The following LRRC7 variants were observed in gnomAD, a reference collection of about 807,000 sequenced individuals.
LRRC7 encodes leucine-rich repeat-containing protein 7.
A neutral mutation model predicts 175.7 loss-of-function variants in LRRC7; 23 were observed. That is an observed-to-expected ratio of 0.13 (90% CI 0.09 to 0.19). LRRC7 has a LOEUF of 0.19. LRRC7 is among the 10% of genes least tolerant of loss of function. The pLI is 1.00. For synonymous variants in LRRC7, 685 were observed against 680.9 expected (o/e 1.01, Z -0.09); for missense variants, 1,354 against 1,904.7 (o/e 0.71, Z 5.38).
rs146085737 is a variant in LRRC7 at position 69,623,416 on chromosome 1, T to C, written c.2+54775T>C. 4.0e-5 allele frequency among the ~76,000 whole-genome samples: 6 copies of C among 151,204 alleles called. No individual in the cohort carries two copies. The East Asian group carries it at 1.2e-3, about 30-fold the overall frequency. On this transcript the variant is annotated intron_variant, in intron 1 of 26. Coordinates refer to ENST00000651989, the MANE Select transcript of LRRC7 (RefSeq NM_001370785.2). The stretch of plus-strand genomic sequence containing the variant: ...AACATTTTAATCTGAATTCCAAAGA[T>C]ACATAGCTCTGCTATGAGGAAAAAA...
chr1:70,004,630 A>G (rs924902271), intron 11 of LRRC7, among the ~76,000 whole-genome samples: 5 of 152,098 alleles, frequency 3.3e-5, no homozygotes, highest in African/African-American at 1.2e-4. Flanking sequence ...GCCTAGCTGC[A>G]GTTGGGTGTC....
intron 7 of LRRC7, among the ~76,000 whole-genome samples, chr1:69,911,454 C>T (rs930028331): frequency 3.3e-5 from 5 of 152,176 alleles, no homozygotes; most frequent in Non-Finnish European, 5.9e-5. Context: ...CACAACCTCA[C>T]CATCATCTGT....
At chr1:69,894,348 G>A (rs1645920266) in intron 7 of LRRC7, among the ~76,000 whole-genome samples, 1 of 152,136 alleles carries the variant, frequency 6.6e-6, no homozygotes, top group Non-Finnish European at 1.5e-5. Flanking sequence ...CTCTCGCCTT[G>A]TTCTTAATTA....
At chr1:70,006,061 G>T (rs1655969988) in intron 11 of LRRC7, among the ~76,000 whole-genome samples, 1 of 150,898 alleles carries the variant, frequency 6.6e-6, no homozygotes, top group African/African-American at 2.4e-5. Flanking sequence ...ACCGGATTTT[G>T]TATTAAAACA....
At chr1:69,997,610 AG>A (rs1217932546) in intron 11 of LRRC7, among the ~76,000 whole-genome samples, 15 of 150,858 alleles carry the variant, frequency 9.9e-5, no homozygotes, top group South Asian at 2.1e-4. Context: ...TTTAGCATGA[AG>A]GGTTGTTGAA....
chr1:69,802,025 T>C (rs1676571224), intron 4 of LRRC7, among the ~76,000 whole-genome samples: 1 of 151,500 alleles, frequency 6.6e-6, no homozygotes, highest in African/African-American at 2.4e-5. Context: ...ATTTGTGGTT[T>C]TGAGAGTTTT....
chr1:69,677,090 G>A (rs758188779), intron 1 of LRRC7, among the ~76,000 whole-genome samples: 7 of 150,098 alleles, frequency 4.7e-5, no homozygotes, highest in African/African-American at 9.8e-5. Context: ...ACTTCCATCC[G>A]AGTTACTGAA....
intron 1 of LRRC7, among the ~76,000 whole-genome samples, chr1:69,662,656 T>C (rs548790904): frequency 9.8e-5 from 15 of 152,372 alleles, no homozygotes; most frequent in East Asian, 7.7e-4. Flanking sequence ...CATTAAACTT[T>C]AGATTGTCCT....
intron 8 of LRRC7, among the ~76,000 whole-genome samples, chr1:69,940,626 T>G (rs1380137339): frequency 6.6e-6 from 1 of 151,876 alleles, no homozygotes; most frequent in African/African-American, 2.4e-5. Context: ...AATCTCCCCC[T>G]GCAAAAATAA....
At chr1:70,074,236 GTGATACTGAGCTTA>G (rs1160103608) in intron 23 of LRRC7, among the ~76,000 whole-genome samples, 1 of 150,832 alleles carries the variant, frequency 6.6e-6, no homozygotes, top group Non-Finnish European at 1.5e-5. Context: ...CGATCAAAAT[GTGATACTGAGCTTA>G]TCATGGATGC....
chr1:69,666,841 TCTA>T (rs1236209704), intron 1 of LRRC7, among the ~76,000 whole-genome samples: 1 of 152,114 alleles, frequency 6.6e-6, no homozygotes, highest in Non-Finnish European at 1.5e-5. Flanking sequence ...TGTCTTTTCT[TCTA>T]CTAATTTTGA....
At chr1:69,777,336 A>G (rs1043837437) in intron 3 of LRRC7, among the ~76,000 whole-genome samples, 1 of 152,200 alleles carries the variant, frequency 6.6e-6, no homozygotes, top group Non-Finnish European at 1.5e-5. Context: ...GAAAGGCAAG[A>G]ACTGTATAAT....
intron 7 of LRRC7, among the ~76,000 whole-genome samples, chr1:69,862,981 A>G (rs1489657713): frequency 1.3e-5 from 2 of 152,202 alleles, no homozygotes; most frequent in Non-Finnish European, 2.9e-5. Context: ...CAGGTGCCTT[A>G]AAGTCAAGAG....
intron 7 of LRRC7, among the ~76,000 whole-genome samples, chr1:69,847,688 G>A (rs527931243): frequency 7.0e-4 from 107 of 152,144 alleles, no homozygotes; most frequent in African/African-American, 2.4e-3. Flanking sequence ...ATCAACTTAT[G>A]TCACATCTGA....
intron 1 of LRRC7, among the ~76,000 whole-genome samples, chr1:69,570,313 AAATAAT>A (rs35984145): frequency 9.3e-5 from 14 of 151,342 alleles, no homozygotes; most frequent in African/African-American, 1.9e-4. Context: ...TATAGAAGGA[AAATAAT>A]AATAATAATA....
intron 3 of LRRC7, among the ~76,000 whole-genome samples, chr1:69,780,810 A>T (rs899970061): frequency 6.6e-6 from 1 of 152,216 alleles, no homozygotes; most frequent in Non-Finnish European, 1.5e-5. Context: ...AGTGAGGCCA[A>T]CTCACTAGAC....
chr1:69,590,291 T>C (rs890694587), intron 1 of LRRC7, among the ~76,000 whole-genome samples: 2 of 152,178 alleles, frequency 1.3e-5, no homozygotes, highest in Non-Finnish European at 2.9e-5. Flanking sequence ...TCCTGATCTA[T>C]AAACTGGGGC....
intron 4 of LRRC7, among the ~76,000 whole-genome samples, chr1:69,792,667 T>A (rs1345049599): frequency 6.6e-6 from 1 of 152,102 alleles, no homozygotes; most frequent in African/African-American, 2.4e-5. Context: ...CTCCAATTCA[T>A]AACAGGAAGA....
chr1:70,028,280 A>G lies in LRRC7; in HGVS notation c.1904A>G (p.Glu635Gly), dbSNP rs950729285. Residue 635 changes from glutamate to glycine, a missense_variant, in exon 18 of 27, where the codon GAG becomes GGG. By Grantham distance (98) the Glu-to-Gly change is moderately conservative. This residue lies in a region of LRRC7 where 1,032 missense variants were observed against 1,227.2 expected (regional missense o/e 0.84). Transcript: ENST00000651989. ...AAGCCAAGCCATGGAGTGCGTGTTGAGAATTCAAATCCAACTGCTAACACG... is the reference window on the plus strand; with the variant it reads ...AAGCCAAGCCATGGAGTGCGTGTTGGGAATTCAAATCCAACTGCTAACACG... ...VGKPSHGVRV[E>G]NSNPTANTEQ... The G allele has an allele frequency of 6.2e-6, 10 of 1,613,758 alleles. No individual in the cohort carries two copies. The highest frequency in any genetic ancestry group is 1.7e-5 in the Admixed American group (1 of 59,972).
Sources: allele counts gnomAD v4.1 joint callset (sites outside exome capture counted in the v4.1 genomes callset), GRCh38; gene constraint gnomAD v4.1.1; regional missense constraint gnomAD v4.1.1; transcripts MANE v1.5; gene names NCBI Gene and HGNC (gene_info 2026-07-23, HGNC 2026-07-21).